Variants in PTPN9 observed in about 807,000 individuals in gnomAD.
PTPN9 encodes the protein protein tyrosine phosphatase non-receptor type 9.
PTPN9 carries 26 observed loss-of-function variants against 69.8 expected under a neutral mutation model. The observed-to-expected ratio is 0.37, with a 90% CI of 0.27 to 0.52. The LOEUF (loss-of-function observed/expected upper bound fraction) is 0.52. Among genes scored for constraint, PTPN9 ranks in the 20% least tolerant of loss-of-function variants. The pLI, the probability that PTPN9 is intolerant of heterozygous loss-of-function variation, is 0.91. For synonymous variants in PTPN9, 274 were observed against 272.5 expected (o/e 1.01, Z -0.05); for missense variants, 549 against 740.3 (o/e 0.74, Z 3.00).
At chr15:75,481,273 G>A (rs1366345126) in intron 8 of PTPN9, among the ~76,000 whole-genome samples, 4 of 93,054 alleles carry the variant, frequency 4.3e-5, no homozygotes, top group Admixed American at 3.2e-4. Flanking sequence ...CTCTCCGCCC[G>A]GCAGCCACCC....
chr15:75,480,700 C>A, intron 8 of PTPN9: 1 of 1,311,588 alleles, frequency 7.6e-7, no homozygotes, highest in Non-Finnish European at 9.8e-7. Flanking sequence ...GCAGCCACCG[C>A]CGCCCCACAG....
chr15:75,473,623 C>T, intron 10 of PTPN9, 66 bp downstream of exon 10: 1 of 1,335,604 alleles, frequency 7.5e-7, no homozygotes, highest in Non-Finnish European at 1.1e-6. Flanking sequence ...AAACTTCCCT[C>T]TTTAATCACC....
intron 7 of PTPN9, among the ~76,000 whole-genome samples, chr15:75,499,949 G>C (rs2074763913): frequency 6.6e-6 from 1 of 152,040 alleles, no homozygotes; most frequent in South Asian, 2.1e-4. Flanking sequence ...GGGCTGAGGT[G>C]GGCAGATCAC....
chr15:75,547,322 G>A (rs1411158181), intron 1 of PTPN9, among the ~76,000 whole-genome samples: 1 of 148,172 alleles, frequency 6.7e-6, no homozygotes, highest in African/African-American at 2.5e-5. Flanking sequence ...AAAAAGGCCA[G>A]GCACAGTGGC....
At chr15:75,531,761 A>T (rs1177134707) in intron 1 of PTPN9, among the ~76,000 whole-genome samples, 1 of 151,636 alleles carries the variant, frequency 6.6e-6, no homozygotes, top group Non-Finnish European at 1.5e-5. Context: ...GGGTTTCACC[A>T]TGTTAGCTGG....
At chr15:75,556,862 C>G (rs1170495167) in intron 1 of PTPN9, among the ~76,000 whole-genome samples, 1 of 152,134 alleles carries the variant, frequency 6.6e-6, no homozygotes, top group Non-Finnish European at 1.5e-5. Flanking sequence ...TCCCCCTTCC[C>G]AACTTTCCAC....
intron 3 of PTPN9, among the ~76,000 whole-genome samples, chr15:75,523,680 T>C (rs2074914752): frequency 6.6e-6 from 1 of 152,194 alleles, no homozygotes. Flanking sequence ...TTGCGTTAAA[T>C]ATGGAAGCAT....
At chr15:75,530,450 TATAATAAAATATATATTATA>T (rs1427806822) in intron 1 of PTPN9, among the ~76,000 whole-genome samples, 2 of 102,144 alleles carry the variant, frequency 2.0e-5, no homozygotes, top group African/African-American at 7.7e-5. Flanking sequence ...ATATTATTAT[TATAATAAAATATATATTATA>T]ATAATAAAAA....
At chr15:75,513,492 C>T (rs1258340410) in intron 5 of PTPN9, 12 of 442,264 alleles carry the variant, frequency 2.7e-5, no homozygotes, top group African/African-American at 1.6e-4. Context: ...TGAGGCTGGG[C>T]GTGGTGGATC....
intron 4 of PTPN9, among the ~76,000 whole-genome samples, chr15:75,518,556 A>G: frequency 6.6e-6 from 1 of 151,732 alleles, no homozygotes; most frequent in Non-Finnish European, 1.5e-5. Flanking sequence ...GGTGGCTCAC[A>G]CCTATAATCC....
chr15:75,497,997 C>G (rs1444524366), intron 7 of PTPN9, among the ~76,000 whole-genome samples: 1 of 149,834 alleles, frequency 6.7e-6, no homozygotes, highest in East Asian at 2.0e-4. Context: ...GGAGACCAGC[C>G]TAGTCAATAT....
chr15:75,527,854 C>CA (rs541275769), intron 1 of PTPN9, among the ~76,000 whole-genome samples: 3,051 of 125,586 alleles, frequency 0.024, 174 homozygotes, highest in Admixed American at 0.13. Flanking sequence ...GAAACTGTCT[C>CA]AAAAAAAAAA....
intron 1 of PTPN9, among the ~76,000 whole-genome samples, chr15:75,543,381 C>T (rs1048947705): frequency 6.6e-6 from 1 of 152,146 alleles, no homozygotes; most frequent in African/African-American, 2.4e-5. Context: ...ATAAAGAAAT[C>T]AAAGGCTCAC....
chr15:75,469,670 A>C, intron 12 of PTPN9, 122 bp downstream of exon 12: 2 of 1,091,462 alleles, frequency 1.8e-6, no homozygotes. Flanking sequence ...TTTCACAGCA[A>C]TTCACCACCA....
chr15:75,538,916 C>A (rs1452397875), intron 1 of PTPN9, among the ~76,000 whole-genome samples: 2 of 151,812 alleles, frequency 1.3e-5, no homozygotes, highest in Non-Finnish European at 2.9e-5. Context: ...ACACCTGTAA[C>A]CCCAACACTT....
intron 8 of PTPN9, among the ~76,000 whole-genome samples, chr15:75,483,067 T>A (rs2074653356): frequency 6.6e-6 from 1 of 152,218 alleles, no homozygotes; most frequent in Non-Finnish European, 1.5e-5. Flanking sequence ...TAGATAATAC[T>A]GTTGGCAAGG....
chr15:75,537,523 G>A (rs1221555164), intron 1 of PTPN9, among the ~76,000 whole-genome samples: 1 of 141,656 alleles, frequency 7.1e-6, no homozygotes, highest in Non-Finnish European at 1.5e-5. Flanking sequence ...GGAGGCTTAG[G>A]TGGGTGGACC....
intron 1 of PTPN9, among the ~76,000 whole-genome samples, chr15:75,552,196 C>A (rs1057063927): frequency 2.0e-5 from 3 of 150,120 alleles, no homozygotes; most frequent in African/African-American, 7.4e-5. Flanking sequence ...GTCGGGAGTT[C>A]GAGACCAGCC....
chr15:75,469,782 G>A lies in PTPN9; in HGVS notation c.1567+10C>T, dbSNP rs773366805. 5 of 1,611,496 alleles carry A rather than the reference G, an allele frequency of 3.1e-6. No homozygotes were observed. The African/African-American group carries it at 5.3e-5, about 17-fold the overall frequency. On this transcript the variant is annotated intron_variant, in intron 12 of 12. Transcript: ENST00000618819. The stretch of plus-strand genomic sequence containing the variant: ...CCTGCAGACACCAAGAGCTGCATTA[G>A]GTGCGTTACCTGTCCTGCCAATGCC...
Sources: gnomAD v4.1 joint callset for allele counts (sites outside exome capture counted in the v4.1 genomes callset) on GRCh38, gnomAD v4.1.1 for gene constraint, MANE v1.5 for transcripts, NCBI Gene and HGNC (gene_info 2026-07-23, HGNC 2026-07-21) for gene names.